The following HIGD1C variants were observed in gnomAD, a reference collection of about 807,000 sequenced individuals.
HIGD1C encodes HIG1 hypoxia inducible domain family member 1C, also known as HIG1 domain family member 1C.
HIGD1C carries 11 observed loss-of-function variants against 13.1 expected under a neutral mutation model. The observed-to-expected ratio is 0.84, with a 90% CI of 0.53 to 1.39. The LOEUF is 1.39. Among genes scored for constraint, HIGD1C ranks in the 40% most tolerant of loss-of-function variants. The pLI is 0.00. For missense variants in HIGD1C, 110 were observed against 112.0 expected (o/e 0.98, Z 0.08); for synonymous variants, 36 against 37.7 (o/e 0.95, Z 0.17).
intron 2 of HIGD1C, among the ~76,000 whole-genome samples, chr12:50,962,290 T>C (rs1327279134): frequency 6.6e-6 from 1 of 151,362 alleles, no homozygotes; most frequent in African/African-American, 2.4e-5. Flanking sequence ...ATGCCTGTAA[T>C]CCCAGCTACT....
the HIGD1C span, among the ~76,000 whole-genome samples, chr12:50,944,979 C>T: frequency 1.3e-5 from 2 of 152,142 alleles, no homozygotes; most frequent in African/African-American, 4.8e-5. Context: ...GAACCAAAGA[C>T]AAAAACCACA....
At chr12:50,934,925 A>C in the HIGD1C span, 2 of 152,212 alleles carry the variant, frequency 1.3e-5, no homozygotes, top group Non-Finnish European at 2.9e-5. Context: ...ACACAAAGGT[A>C]CATTAAAATG....
At chr12:50,968,792 T>C (rs1020440068) in intron 2 of HIGD1C, among the ~76,000 whole-genome samples, 1 of 151,866 alleles carries the variant, frequency 6.6e-6, no homozygotes, top group African/African-American at 2.4e-5. Context: ...TCCACCCGCC[T>C]TGGCCTCCCA....
the HIGD1C span, among the ~76,000 whole-genome samples, chr12:50,947,881 G>A: frequency 0.014 from 2,093 of 152,264 alleles, 53 homozygotes; most frequent in African/African-American, 0.046. Flanking sequence ...CCTGAGAGGC[G>A]GAGGTTGCAG....
At chr12:50,961,174 G>A in intron 2 of HIGD1C, 72 bp downstream of exon 4, 1 of 1,435,956 alleles carries the variant, frequency 7.0e-7, no homozygotes, top group Non-Finnish European at 9.6e-7. Flanking sequence ...TTCATTCATA[G>A]TAGAAGATGA....
the HIGD1C span, among the ~76,000 whole-genome samples, chr12:50,947,715 G>C: frequency 3.8e-3 from 581 of 152,258 alleles, 7 homozygotes; most frequent in African/African-American, 0.013. Flanking sequence ...ATATTATTCT[G>C]CCTGCCACAT....
chr12:50,959,415 C>T (rs976848662), intron 1 of HIGD1C, among the ~76,000 whole-genome samples: 72 of 152,018 alleles, frequency 4.7e-4, no homozygotes, highest in African/African-American at 1.6e-3. Context: ...CCACTGTGCC[C>T]GGCCCCATAT....
the HIGD1C span, among the ~76,000 whole-genome samples, chr12:50,945,676 A>G: frequency 6.6e-6 from 1 of 152,208 alleles, no homozygotes; most frequent in Non-Finnish European, 1.5e-5. Context: ...TATAGATTCA[A>G]TGCCATCCCC....
intron 2 of HIGD1C, among the ~76,000 whole-genome samples, chr12:50,969,487 G>A (rs188426741): frequency 3.7e-4 from 57 of 152,142 alleles, no homozygotes; most frequent in Admixed American, 7.2e-4. Context: ...ACCACCTGAG[G>A]TCAGGAGTTC....
At chr12:50,952,791 G>A (rs1446070325), upstream of HIGD1C, among the ~76,000 whole-genome samples, 3 of 152,206 alleles carry the variant, frequency 2.0e-5, no homozygotes, top group Admixed American at 6.5e-5. Flanking sequence ...GCTAGGGCGT[G>A]TTTCCGAAGG....
rs569924522 is a variant in HIGD1C at position 50,956,265 on chromosome 12, G to A, written c.94+2173G>A. On this transcript the variant is annotated intron_variant, in intron 1 of 2. Coordinates refer to ENST00000398455, the Ensembl canonical transcript of HIGD1C. ...AAATTAGCTGGGTGTGGTGGCAGGC[G>A]CCTGTAGTCCCAGCTCCTCAGGAGG... 3.7e-3 allele frequency among the ~76,000 whole-genome samples: 562 copies of A among 152,154 alleles called. 3 individuals are homozygous for A. The highest frequency in any genetic ancestry group is 0.012 in the African/African-American group (504 of 41,486).
rs1939718605 is a variant in HIGD1C at position 50,970,391 on chromosome 12, A to G, written c.230-51A>G. The G allele has an allele frequency of 4.4e-6, 4 of 903,784 alleles. No homozygotes were observed. The Admixed American group carries it at 6.6e-5, about 15-fold the overall frequency. 56.0% of individuals were successfully genotyped at this position (903,784 alleles called of 1,614,324 possible). A position where few individuals can be genotyped will look rare whatever the true frequency, so the allele number is the denominator to read the frequency against. ...AAAATACAACAAGTGGAAGAAATTC[A>G]GTGTTTGTTTCCCATGGATACTCAA... On this transcript the variant is annotated intron_variant, in intron 2 of 2. Coordinates refer to ENST00000398455, the Ensembl canonical transcript of HIGD1C.
At chr12:50,935,037 C>T in the HIGD1C span, 3 of 152,218 alleles carry the variant, frequency 2.0e-5, no homozygotes, top group African/African-American at 7.2e-5. Context: ...GTAAAGCAGA[C>T]ATTGCCTAAT....
At chr12:50,969,702 CA>C (rs757808017) in intron 2 of HIGD1C, among the ~76,000 whole-genome samples, 74 of 112,720 alleles carry the variant, frequency 6.6e-4, no homozygotes, top group Admixed American at 1.1e-3. Flanking sequence ...GACTCCATCT[CA>C]AAAAAAAAAA....
chr12:50,963,302 G>A (rs530601414), intron 2 of HIGD1C, among the ~76,000 whole-genome samples: 19 of 147,816 alleles, frequency 1.3e-4, no homozygotes, highest in African/African-American at 2.2e-4. Context: ...CCTGGGAAGC[G>A]GAGGCTGCAG....
chr12:50,962,420 C>T (rs1194686005), intron 2 of HIGD1C, among the ~76,000 whole-genome samples: 2 of 150,512 alleles, frequency 1.3e-5, no homozygotes, highest in African/African-American at 4.9e-5. Context: ...TAAAAAAAAG[C>T]CAGGCACGGT....
chr12:50,968,130 AT>A (rs1221505353), intron 2 of HIGD1C, among the ~76,000 whole-genome samples: 1 of 148,970 alleles, frequency 6.7e-6, no homozygotes, highest in African/African-American at 2.5e-5. Context: ...GAGGAGGAGA[AT>A]GAGGAGGAGG....
upstream of HIGD1C, among the ~76,000 whole-genome samples, chr12:50,950,817 C>T (rs936499932): frequency 2.6e-5 from 4 of 151,768 alleles, no homozygotes; most frequent in South Asian, 2.1e-4. Flanking sequence ...GCTGGGACTA[C>T]AGGCGCCTGC....
the HIGD1C span, among the ~76,000 whole-genome samples, chr12:50,932,850 G>T: frequency 6.6e-6 from 1 of 152,168 alleles, no homozygotes; most frequent in Non-Finnish European, 1.5e-5. Context: ...ATGCAGTGAG[G>T]TCGAATGCAC....
Sources: gnomAD v4.1 joint callset for allele counts (sites outside exome capture counted in the v4.1 genomes callset) on GRCh38, gnomAD v4.1.1 for gene constraint, MANE v1.5 for transcripts, NCBI Gene and HGNC (gene_info 2026-07-23, HGNC 2026-07-21) for gene names.